GET1: variants seen among roughly 807,000 people sequenced by gnomAD.
GET1 encodes congenital heart disease 5 protein.
A neutral mutation model predicts 22.6 loss-of-function variants in GET1; 20 were observed. The observed-to-expected ratio is 0.89, with a 90% CI of 0.62 to 1.29. The LOEUF (loss-of-function observed/expected upper bound fraction) is 1.29. Among genes scored for constraint, GET1 ranks in the 50% most tolerant of loss-of-function variants. The pLI is 0.00. For missense variants in GET1, 209 were observed against 219.9 expected, an observed-to-expected ratio of 0.95 and a Z score of 0.31; for synonymous variants, 92 against 83.8, an observed-to-expected ratio of 1.10 and a Z score of -0.53.
intron 1 of GET1, chr21:39,380,787 G>C: frequency 9.1e-7 from 1 of 1,094,788 alleles, no homozygotes; most frequent in Non-Finnish European, 1.1e-6. Context: ...TGTCAGCCTC[G>C]TTTCCGTTAA....
chr21:39,387,291 G>C (rs1348263553), intron 1 of GET1, among the ~76,000 whole-genome samples: 1 of 152,114 alleles, frequency 6.6e-6, no homozygotes, highest in Non-Finnish European at 1.5e-5. Flanking sequence ...CCATTCCTGA[G>C]TTGTTTTGTG....
intron 1 of GET1, among the ~76,000 whole-genome samples, chr21:39,419,523 CA>C (rs5843964): frequency 1.3e-4 from 16 of 123,502 alleles, no homozygotes; most frequent in African/African-American, 7.1e-5. Flanking sequence ...AGACCCTGTT[CA>C]AAAAAAAAAA....
At chr21:39,391,022 C>T in intron 2 of GET1, 159 bp downstream of exon 2, 3 of 713,806 alleles carry the variant, frequency 4.2e-6, no homozygotes, top group Non-Finnish European at 4.3e-6. Context: ...GTATTACTTT[C>T]CTCTTATTTG....
rs945237779 is a variant in GET1, at chr21:39,383,255, A to AT, written c.102+2780dup. On this transcript the variant is annotated intron_variant, in intron 1 of 4. Coordinates refer to ENST00000649170, the MANE Select transcript of GET1 (RefSeq NM_004627.6). ...AGGCTTGTGCCACCGCGCCCAGCCT[A>AT]TTTTTTTTTTTATTATTTATTTTAT... Among the ~76,000 whole-genome samples, 555 of 137,538 alleles carry AT rather than the reference A, an allele frequency of 4.0e-3. 4 individuals carry two copies. The highest frequency in any genetic ancestry group is 0.013 in the African/African-American group (483 of 37,338). The allele number at this position is 137,538 out of a possible 152,430, so 90.2% of individuals were successfully genotyped here. A position where few individuals can be genotyped will look rare whatever the true frequency, so the allele number is the denominator to read the frequency against.
intron 1 of GET1, among the ~76,000 whole-genome samples, chr21:39,425,043 A>G (rs1479880283): frequency 6.6e-6 from 1 of 152,206 alleles, no homozygotes. Context: ...TAGGATATAG[A>G]GGTATATGTA....
At chr21:39,411,462 A>G (rs2040072981), downstream of GET1, among the ~76,000 whole-genome samples, 1 of 152,206 alleles carries the variant, frequency 6.6e-6, no homozygotes, top group African/African-American at 2.4e-5. Context: ...TTTTGCTTCA[A>G]GCTGAAGTTA....
intron 1 of GET1, among the ~76,000 whole-genome samples, chr21:39,383,960 C>T (rs927688955): frequency 6.6e-6 from 1 of 151,772 alleles, no homozygotes; most frequent in Non-Finnish European, 1.5e-5. Flanking sequence ...AGGCTGGTCT[C>T]GAACTCCTGA....
At chr21:39,415,901 G>C (rs546401433) in intron 1 of GET1, among the ~76,000 whole-genome samples, 1 of 152,238 alleles carries the variant, frequency 6.6e-6, no homozygotes, top group East Asian at 1.9e-4. Flanking sequence ...TTGGTAGGTA[G>C]AGCCCAGTCT....
In GET1 at chr21:39,384,560, G is replaced by C. The variant is rs1012094307; in HGVS notation, c.102+4074G>C. ...CAGCTGTGAGCCACCACACCTGGCC[G>C]ACAATTTTTTTTTTTTTTTTTAACT... On this transcript the variant is annotated intron_variant, in intron 1 of 4. Transcript: ENST00000649170. Among the ~76,000 whole-genome samples the C allele has an allele frequency of 4.4e-5, 5 of 114,016 alleles. No homozygotes were observed. In the Admixed American group the frequency reaches 5.1e-4, roughly 12 times the overall value. The allele number at this position is 114,016 out of a possible 152,430, so 74.8% of individuals were successfully genotyped here.
intron 1 of GET1, among the ~76,000 whole-genome samples, chr21:39,416,192 T>C (rs2147383729): frequency 6.6e-6 from 1 of 152,358 alleles, no homozygotes; most frequent in Admixed American, 6.5e-5. Flanking sequence ...TTGCTTCTTG[T>C]CCTCTACTGA....
At chr21:39,428,164 C>T (rs779025266) in intron 1 of GET1, 1 of 1,526,120 alleles carries the variant, frequency 6.6e-7, no homozygotes, top group African/African-American at 1.4e-5. Context: ...GGAAATTTTA[C>T]TCCTTACCTT....
intron 1 of GET1, chr21:39,427,856 GC>G: frequency 5.7e-6 from 1 of 175,468 alleles, no homozygotes; most frequent in Non-Finnish European, 1.2e-5. Flanking sequence ...AAGGCAAGAA[GC>G]CAGTGAAATC....
At chr21:39,426,273 A>G (rs1268685686) in intron 1 of GET1, among the ~76,000 whole-genome samples, 1 of 152,200 alleles carries the variant, frequency 6.6e-6, no homozygotes, top group Non-Finnish European at 1.5e-5. Context: ...TCCATCACGC[A>G]TACTTGATGG....
rs184255578 is a variant in GET1 at position 39,419,353 on chromosome 21, C to T, written c.*23+8416C>T. Among the ~76,000 whole-genome samples, 219 of 151,786 alleles carry T rather than the reference C, an allele frequency of 1.4e-3. 1 individual carries two copies. Among genetic ancestry groups the T allele is most frequent in the African/African-American group, 5.1e-3 (210 of 41,396 alleles). On this transcript the variant is annotated intron_variant, in intron 1 of 1. Coordinates refer to the GET1 transcript ENST00000478273. Reference sequence around the variant, plus strand: ...CAGCCTGGGCAACACAGCGAGACCCCGTCTCTACAAAAATTTTAAAAATTA... The same window carrying T: ...CAGCCTGGGCAACACAGCGAGACCCTGTCTCTACAAAAATTTTAAAAATTA...
chr21:39,407,409 G>T (rs1244863767), downstream of GET1, among the ~76,000 whole-genome samples: 1 of 152,176 alleles, frequency 6.6e-6, no homozygotes, highest in Non-Finnish European at 1.5e-5. Context: ...TGGCAATTTG[G>T]CAGTATCAAG....
At chr21:39,423,445 G>A in intron 1 of GET1, 1 of 1,587,978 alleles carries the variant, frequency 6.3e-7, no homozygotes, top group Non-Finnish European at 8.5e-7. Context: ...ATTAAAGAGT[G>A]ATGCATTCCA....
downstream of GET1, chr21:39,407,852 AC>A (rs949302793): frequency 2.6e-5 from 4 of 152,258 alleles, no homozygotes; most frequent in African/African-American, 9.6e-5. Flanking sequence ...CACACCAGTG[AC>A]CACAGTGCAA....
chr21:39,399,893 A>G (rs1338879925), downstream of GET1, among the ~76,000 whole-genome samples: 1 of 148,246 alleles, frequency 6.7e-6, no homozygotes, highest in Non-Finnish European at 1.5e-5. Context: ...AAATATACAA[A>G]TCCATAATCT....
intron 3 of GET1, 87 bp downstream of exon 3, chr21:39,391,923 C>T (rs768624161): frequency 2.3e-5 from 30 of 1,312,802 alleles, no homozygotes; most frequent in Middle Eastern, 1.9e-4. Context: ...GCTGGGAGTT[C>T]GGGCTGTTCC....
Sources: allele counts gnomAD v4.1 joint callset (sites outside exome capture counted in the v4.1 genomes callset), GRCh38; gene constraint gnomAD v4.1.1; transcripts MANE v1.5; gene names NCBI Gene and HGNC (gene_info 2026-07-23, HGNC 2026-07-21).